KAZN: variants seen among roughly 807,000 people sequenced by gnomAD.
KAZN encodes kazrin, periplakin interacting protein.
Under a neutral mutation model 87.4 loss-of-function variants are expected in KAZN, and 40 were observed. The observed-to-expected ratio is 0.46, with a 90% CI of 0.36 to 0.60. KAZN has a LOEUF of 0.60. Ranked by LOEUF, KAZN falls within the 20% of genes least tolerant of loss-of-function variation. The probability of loss-of-function intolerance (pLI) is 0.00; values close to 1 mark genes in which losing one functional copy is unlikely to be tolerated. For missense variants in KAZN, 898 were observed against 1,073.9 expected (o/e 0.84, Z 2.29); for synonymous variants, 466 against 458.3 (o/e 1.02, Z -0.22).
intron 2 of KAZN, among the ~76,000 whole-genome samples, chr1:14,965,427 C>T (rs148330510): frequency 3.3e-5 from 5 of 152,088 alleles, no homozygotes; most frequent in South Asian, 2.1e-4. Context: ...TTCCTCAGGC[C>T]TCCTCAATTT....
intron 1 of KAZN, among the ~76,000 whole-genome samples, chr1:14,688,256 G>A (rs900176241): frequency 1.3e-5 from 2 of 152,178 alleles, no homozygotes; most frequent in African/African-American, 4.8e-5. Flanking sequence ...ATTGGGTTTG[G>A]TTCCAGCTGT....
chr1:14,508,995 T>C (rs1343925450), intron 2 of KAZN, among the ~76,000 whole-genome samples: 7 of 152,178 alleles, frequency 4.6e-5, no homozygotes, highest in Non-Finnish European at 8.8e-5. Context: ...TAAGGGCTTA[T>C]TGGAACCAGT....
intron 2 of KAZN, among the ~76,000 whole-genome samples, chr1:14,530,377 A>G (rs527919770): frequency 2.0e-5 from 3 of 152,356 alleles, no homozygotes; most frequent in East Asian, 1.9e-4. Context: ...TTCCTAAGCC[A>G]GAAAAGGACA....
intron 2 of KAZN, among the ~76,000 whole-genome samples, chr1:14,288,510 G>A (rs1653432640): frequency 6.6e-6 from 1 of 152,094 alleles, no homozygotes; most frequent in Non-Finnish European, 1.5e-5. Flanking sequence ...TATTTCTGTG[G>A]GATCAGTGGT....
intron 2 of KAZN, among the ~76,000 whole-genome samples, chr1:14,452,896 G>A (rs1667352992): frequency 6.6e-6 from 1 of 152,188 alleles, no homozygotes; most frequent in Non-Finnish European, 1.5e-5. Flanking sequence ...AATGAGTAAA[G>A]CAGGCCAGGA....
intron 1 of KAZN, among the ~76,000 whole-genome samples, chr1:14,062,843 G>A (rs926298190): frequency 3.9e-5 from 6 of 152,216 alleles, no homozygotes; most frequent in African/African-American, 1.4e-4. Flanking sequence ...AGGGAAGGCA[G>A]CTTCAATGAC....
chr1:14,522,505 T>C (rs1181129223), intron 2 of KAZN, among the ~76,000 whole-genome samples: 1 of 152,214 alleles, frequency 6.6e-6, no homozygotes, highest in South Asian at 2.1e-4. Context: ...GCAAATCACG[T>C]CATCATCTGT....
At chr1:14,628,661 A>G (rs2103695) in intron 1 of KAZN, among the ~76,000 whole-genome samples, 31,635 of 152,086 alleles carry the variant, frequency 0.21, 3,589 homozygotes, top group East Asian at 0.26. Flanking sequence ...AACCTGAATG[A>G]TTTCATTTTA....
chr1:14,680,501 G>T (rs1383833022), intron 1 of KAZN, among the ~76,000 whole-genome samples: 3 of 152,072 alleles, frequency 2.0e-5, no homozygotes, highest in African/African-American at 7.2e-5. Context: ...GAATGTGCAG[G>T]TTTGCTACAC....
At chr1:14,364,405 A>G (rs1054634418) in intron 2 of KAZN, among the ~76,000 whole-genome samples, 2 of 152,196 alleles carry the variant, frequency 1.3e-5, no homozygotes, top group Non-Finnish European at 2.9e-5. Context: ...ATGTTTGTGA[A>G]GCATGCAGCA....
intron 1 of KAZN, among the ~76,000 whole-genome samples, chr1:14,167,116 A>G (rs1312059912): frequency 1.3e-5 from 2 of 152,230 alleles, no homozygotes; most frequent in Non-Finnish European, 2.9e-5. Context: ...ACTGGGTTAG[A>G]GCCCATCTAG....
chr1:14,812,972 C>T (rs1194922758), intron 1 of KAZN, among the ~76,000 whole-genome samples: 2 of 152,172 alleles, frequency 1.3e-5, no homozygotes, highest in African/African-American at 4.8e-5. Context: ...AAGACATGCC[C>T]TATTAGCTAA....
intron 2 of KAZN, among the ~76,000 whole-genome samples, chr1:14,183,960 A>C (rs904712875): frequency 1.3e-5 from 2 of 151,954 alleles, no homozygotes; most frequent in Admixed American, 6.6e-5. Flanking sequence ...TTTGCCTAAA[A>C]CTTGGCCTGT....
At chr1:14,294,966 A>G (rs1429615856) in intron 2 of KAZN, among the ~76,000 whole-genome samples, 3 of 148,660 alleles carry the variant, frequency 2.0e-5, no homozygotes, top group Admixed American at 6.7e-5. Flanking sequence ...GTTTGATGTG[A>G]TGGAATGAGA....
intron 1 of KAZN, among the ~76,000 whole-genome samples, chr1:14,071,235 G>A (rs1473091545): frequency 6.6e-6 from 1 of 152,088 alleles, no homozygotes; most frequent in African/African-American, 2.4e-5. Context: ...ACCCAAACTG[G>A]GATTCAGGGT....
rs553933423 is a variant in KAZN at position 14,384,235 on chromosome 1, T to C, written c.249+203643T>C. Among the ~76,000 whole-genome samples the C allele has an allele frequency of 8.1e-4, 123 of 151,952 alleles. 1 individual carries two copies. Among genetic ancestry groups the C allele is most frequent in the African/African-American group, 2.9e-3 (119 of 41,358 alleles). ...TTTGGGCTGAGACAATGGGGTTTTC[T>C]AGATATACAATCATGTCATCTGCAA... On this transcript the variant is annotated intron_variant, in intron 2 of 16. Coordinates refer to the KAZN transcript ENST00000636203.
At chr1:14,929,786 T>G (rs1292312919) in intron 1 of KAZN, 2 of 985,350 alleles carry the variant, frequency 2.0e-6, no homozygotes, top group Non-Finnish European at 2.4e-6. Context: ...GGGTGCCAGA[T>G]GAGTGCCTTT....
chr1:15,044,638 G>A (rs1557749092), intron 4 of KAZN, among the ~76,000 whole-genome samples: 1 of 151,626 alleles, frequency 6.6e-6, no homozygotes, highest in Non-Finnish European at 1.5e-5. Context: ...CTAGACCGGT[G>A]GCTGAGGCAA....
At chr1:14,140,237 A>G (rs1645206841) in intron 1 of KAZN, among the ~76,000 whole-genome samples, 2 of 152,090 alleles carry the variant, frequency 1.3e-5, no homozygotes, top group Non-Finnish European at 2.9e-5. Flanking sequence ...AAGCTATCTA[A>G]TCTTTCTAAG....
Sources: gnomAD v4.1 joint callset for allele counts (sites outside exome capture counted in the v4.1 genomes callset) on GRCh38, gnomAD v4.1.1 for gene constraint, MANE v1.5 for transcripts, NCBI Gene and HGNC (gene_info 2026-07-23, HGNC 2026-07-21) for gene names.